Variants in PGAP2 observed in about 807,000 individuals in gnomAD.
PGAP2 encodes the protein acyltransferase PGAP2.
PGAP2 carries 21 observed loss-of-function variants against 33.2 expected under a neutral mutation model. The ratio of observed to expected loss-of-function variants is 0.63; its 90% CI spans 0.45 to 0.91. The LOEUF is 0.91. Among genes scored for constraint, PGAP2 ranks in the 40% least tolerant of loss-of-function variants. The probability of loss-of-function intolerance (pLI) is 0.00; values close to 1 mark genes in which losing one functional copy is unlikely to be tolerated. For missense variants in PGAP2, 345 were observed against 424.0 expected, an observed-to-expected ratio of 0.81 and a Z score of 1.64; for synonymous variants, 161 against 172.9, an observed-to-expected ratio of 0.93 and a Z score of 0.54.
At chr11:3,798,149 C>A in intron 1 of PGAP2, 2 of 1,434,532 alleles carry the variant, frequency 1.4e-6, no homozygotes, top group Non-Finnish European at 1.8e-6. Flanking sequence ...GGCCCTAAAT[C>A]CTGACCCTAT....
chr11:3,807,679 A>G (rs2084666282), upstream of PGAP2, among the ~76,000 whole-genome samples: 1 of 152,152 alleles, frequency 6.6e-6, no homozygotes, highest in African/African-American at 2.4e-5. Flanking sequence ...CTGGGTGTTC[A>G]GAATGTGTTA....
intron 3 of PGAP2, among the ~76,000 whole-genome samples, chr11:3,819,540 T>C (rs1298820113): frequency 6.6e-6 from 1 of 152,066 alleles, no homozygotes; most frequent in Non-Finnish European, 1.5e-5. Flanking sequence ...GGGGGACTTT[T>C]ACCTGAGGCC....
At chr11:3,803,804 T>G (rs895885033), upstream of PGAP2, among the ~76,000 whole-genome samples, 1 of 151,042 alleles carries the variant, frequency 6.6e-6, no homozygotes, top group African/African-American at 2.4e-5. Flanking sequence ...TATATTTTTT[T>G]TTTTGAGACA....
upstream of PGAP2, chr11:3,808,379 C>T: frequency 1.0e-5 from 16 of 1,548,864 alleles, no homozygotes; most frequent in Non-Finnish European, 1.2e-5. Flanking sequence ...CTTCCGGCTG[C>T]CCTCACGCAG....
chr11:3,802,560 A>G (rs1434920401), intron 1 of PGAP2, among the ~76,000 whole-genome samples: 2 of 152,198 alleles, frequency 1.3e-5, no homozygotes, highest in Non-Finnish European at 2.9e-5. Context: ...GCTTTGTCCT[A>G]GGAGCCCCAG....
intron 1 of PGAP2, among the ~76,000 whole-genome samples, chr11:3,798,726 C>G (rs190355988): frequency 1.3e-3 from 192 of 150,792 alleles, no homozygotes; most frequent in African/African-American, 4.2e-3. Context: ...TCACTGCAAT[C>G]TCCGCCTCCC....
chr11:3,803,766 A>G (rs1249065474), upstream of PGAP2, among the ~76,000 whole-genome samples: 2 of 146,888 alleles, frequency 1.4e-5, no homozygotes, highest in Non-Finnish European at 3.0e-5. Flanking sequence ...AGTCTAATGC[A>G]TTTAACGAAT....
chr11:3,819,525 A>G (rs1389819559), intron 3 of PGAP2, among the ~76,000 whole-genome samples: 1 of 151,330 alleles, frequency 6.6e-6, no homozygotes, highest in Non-Finnish European at 1.5e-5. Context: ...GGCATCTATA[A>G]TGTGGGGGGA....
chr11:3,805,650 C>A (rs1211871966), upstream of PGAP2, among the ~76,000 whole-genome samples: 1 of 150,016 alleles, frequency 6.7e-6, no homozygotes, highest in East Asian at 2.1e-4. Flanking sequence ...AGGAGGATCG[C>A]TTGAGCCTAG....
chr11:3,808,643 A>C lies in PGAP2; in HGVS notation c.-19A>C. ...GGGTTCCGCCGGCACTCTCGCCACC[A>C]CCGCGTGGGTGAGTATGGGCATGGA... On this transcript the variant is annotated 5_prime_UTR_variant, in exon 1 of 7. Coordinates refer to ENST00000278243, the MANE Select transcript of PGAP2 (RefSeq NM_014489.4). The C allele has an allele frequency of 7.9e-7, 1 of 1,267,330 alleles. No homozygotes were observed. Among genetic ancestry groups the C allele is most frequent in the Non-Finnish European group, 1.0e-6 (1 of 1,000,928 alleles). 78.5% of individuals were successfully genotyped at this position (1,267,330 alleles called of 1,614,324 possible). A position where few individuals can be genotyped will look rare whatever the true frequency, so the allele number is the denominator to read the frequency against.
At chr11:3,808,896 C>T (rs2084984119) in intron 1 of PGAP2, among the ~76,000 whole-genome samples, 1 of 152,186 alleles carries the variant, frequency 6.6e-6, no homozygotes, top group Admixed American at 6.5e-5. Context: ...TCCGCGGGGC[C>T]TCCTGGTCAG....
intron 1 of PGAP2, chr11:3,798,240 C>T: frequency 1.2e-6 from 1 of 865,316 alleles, no homozygotes; most frequent in Middle Eastern, 3.8e-4. Flanking sequence ...ATTAGAGATG[C>T]CCTAAGGGAC....
chr11:3,806,459 C>T (rs368091229), upstream of PGAP2, among the ~76,000 whole-genome samples: 7 of 152,080 alleles, frequency 4.6e-5, no homozygotes, highest in Admixed American at 1.3e-4. Flanking sequence ...ACTTCGGAGC[C>T]CCTCAGAGTG....
upstream of PGAP2, among the ~76,000 whole-genome samples, chr11:3,805,259 C>CTTTTTT (rs1171517604): frequency 8.1e-6 from 1 of 123,210 alleles, no homozygotes; most frequent in Non-Finnish European, 1.7e-5. Flanking sequence ...TGTGGATATT[C>CTTTTTT]TTTTTTTTTT....
intron 1 of PGAP2, chr11:3,798,196 C>A (rs1032153590): frequency 4.7e-5 from 60 of 1,273,180 alleles, no homozygotes; most frequent in African/African-American, 1.3e-4. Flanking sequence ...CACTTTCTTT[C>A]CCTCCCTGAA....
intron 1 of PGAP2, among the ~76,000 whole-genome samples, chr11:3,800,561 C>T (rs921297597): frequency 7.9e-5 from 12 of 152,022 alleles, no homozygotes; most frequent in African/African-American, 2.9e-4. Flanking sequence ...CCTGTAATCC[C>T]AGCACTTTGG....
chr11:3,824,482 G>T, intron 5 of PGAP2, 106 bp downstream of exon 5: 1 of 1,562,446 alleles, frequency 6.4e-7, no homozygotes, highest in Non-Finnish European at 8.8e-7. Context: ...GTTCTAATGG[G>T]AACCCTGGCA....
chr11:3,823,276 TCCAC>T (rs1037868336), intron 3 of PGAP2, among the ~76,000 whole-genome samples: 27 of 151,898 alleles, frequency 1.8e-4, no homozygotes, highest in African/African-American at 6.5e-4. Context: ...CCTCGGGTGA[TCCAC>T]CCACCTCGGC....
At chr11:3,797,804 G>A, upstream of PGAP2, 1 of 1,546,352 alleles carries the variant, frequency 6.5e-7, no homozygotes, top group Middle Eastern at 1.7e-4. Flanking sequence ...GCGGGAGCGT[G>A]TCGTGACGTC....
Sources: gnomAD v4.1 joint callset for allele counts (sites outside exome capture counted in the v4.1 genomes callset) on GRCh38, gnomAD v4.1.1 for gene constraint, MANE v1.5 for transcripts, NCBI Gene and HGNC (gene_info 2026-07-23, HGNC 2026-07-21) for gene names.